RFC1: variants seen among roughly 807,000 people sequenced by gnomAD.
The protein encoded by RFC1 is A1 140 kDa subunit.
Under a neutral mutation model 137.4 loss-of-function variants are expected in RFC1, and 37 were observed. The ratio of observed to expected loss-of-function variants is 0.27; its 90% confidence interval spans 0.21 to 0.35. The LOEUF (loss-of-function observed/expected upper bound fraction) is 0.35. Among genes scored for constraint, RFC1 ranks in the 10% least tolerant of loss-of-function variants. RFC1 has a pLI of 1.00. For missense variants in RFC1, 1,205 were observed against 1,358.5 expected, an observed-to-expected ratio of 0.89 and a Z score of 1.78; for synonymous variants, 429 against 455.7, an observed-to-expected ratio of 0.94 and a Z score of 0.75.
chr4:39,353,444 C>A (rs75442720), intron 1 of RFC1, among the ~76,000 whole-genome samples: 1,541 of 146,208 alleles, frequency 0.011, 21 homozygotes, highest in African/African-American at 0.036. Flanking sequence ...TTAAAGACTT[C>A]TCTGGCTTTA....
chr4:39,355,476 T>A (rs1190287238), intron 1 of RFC1, among the ~76,000 whole-genome samples: 1 of 151,682 alleles, frequency 6.6e-6, no homozygotes, highest in Non-Finnish European at 1.5e-5. Context: ...TTCCTACAAA[T>A]CAATAAAAGA....
intron 21 of RFC1, among the ~76,000 whole-genome samples, chr4:39,297,969 C>T (rs142839216): frequency 6.6e-6 from 1 of 152,128 alleles, no homozygotes; most frequent in Non-Finnish European, 1.5e-5. Flanking sequence ...AAACATTATG[C>T]CTTTAAGCTA....
At chr4:39,328,776 G>C (rs1441097347) in intron 4 of RFC1, among the ~76,000 whole-genome samples, 1 of 152,072 alleles carries the variant, frequency 6.6e-6, no homozygotes, top group Non-Finnish European at 1.5e-5. Context: ...CCAACTTAAG[G>C]CCTGTCATTT....
At chr4:39,302,017 A>C (rs796502645) in intron 19 of RFC1, among the ~76,000 whole-genome samples, 2 of 152,200 alleles carry the variant, frequency 1.3e-5, no homozygotes, top group African/African-American at 4.8e-5. Flanking sequence ...AACTCTGGAA[A>C]AGCCATTTTA....
At chr4:39,318,750 AAAGT>A (rs1739373261) in intron 9 of RFC1, among the ~76,000 whole-genome samples, 2 of 152,218 alleles carry the variant, frequency 1.3e-5, no homozygotes, top group African/African-American at 4.8e-5. Flanking sequence ...CTGAGATCAA[AAAGT>A]TAATTGCTCC....
chr4:39,295,858 C>T (rs1431867868), intron 21 of RFC1, 99 bp from the exon 22 acceptor site: 2 of 1,128,172 alleles, frequency 1.8e-6, no homozygotes, highest in Non-Finnish European at 2.5e-6. Flanking sequence ...GATAAAGCAA[C>T]ACTGTACCAA....
chr4:39,289,207 T>C (rs1737533404), intron 24 of RFC1, among the ~76,000 whole-genome samples: 1 of 152,110 alleles, frequency 6.6e-6, no homozygotes, highest in Non-Finnish European at 1.5e-5. Flanking sequence ...TCTTTCAGTT[T>C]CAGATTAGAG....
At chr4:39,292,426 T>C (rs1299526493) in intron 22 of RFC1, among the ~76,000 whole-genome samples, 1 of 152,132 alleles carries the variant, frequency 6.6e-6, no homozygotes, top group African/African-American at 2.4e-5. Context: ...AGAGGAAGGT[T>C]TAGGGAAACA....
intron 1 of RFC1, among the ~76,000 whole-genome samples, chr4:39,361,251 T>C (rs1741739598): frequency 6.6e-6 from 1 of 152,060 alleles, no homozygotes; most frequent in Non-Finnish European, 1.5e-5. Flanking sequence ...TAGTCAGGTG[T>C]GGTGGCACAT....
intron 1 of RFC1, chr4:39,365,549 G>A: frequency 1.0e-6 from 1 of 953,438 alleles, no homozygotes; most frequent in Non-Finnish European, 1.2e-6. Flanking sequence ...AGTGAGGCTT[G>A]GGTTTTTTTC....
At chr4:39,338,607 T>C (rs1740467486) in intron 4 of RFC1, among the ~76,000 whole-genome samples, 1 of 152,236 alleles carries the variant, frequency 6.6e-6, no homozygotes, top group Non-Finnish European at 1.5e-5. Flanking sequence ...CTTTTTTGTG[T>C]AGGAAGTCTT....
At chr4:39,313,679 G>A (rs1339552780) in intron 10 of RFC1, among the ~76,000 whole-genome samples, 2 of 150,242 alleles carry the variant, frequency 1.3e-5, no homozygotes, top group Non-Finnish European at 3.0e-5. Context: ...AATTTTTACT[G>A]TTTTATGGGA....
intron 19 of RFC1, among the ~76,000 whole-genome samples, chr4:39,301,161 G>A (rs960829611): frequency 1.3e-5 from 2 of 151,676 alleles, no homozygotes; most frequent in African/African-American, 4.8e-5. Flanking sequence ...CCATTACTAC[G>A]TGAAAAAAGC....
Position 39,309,272 on chromosome 4 carries a change from A to G in RFC1, c.1489-240T>C, listed in dbSNP as rs369741015. 1.0e-3 allele frequency among the ~76,000 whole-genome samples: 155 copies of G among 152,362 alleles called. 1 individual carries two copies. The highest frequency in any genetic ancestry group is 3.6e-3 in the African/African-American group (149 of 41,590). On this transcript the variant is annotated intron_variant, in intron 12 of 24. Coordinates refer to ENST00000349703, the MANE Select transcript of RFC1 (RefSeq NM_002913.5). ...TAAAAGTGACAACACGTTGATTTTT[A>G]AAAGTAATAAGTACTCCAATTTTAG...
intron 5 of RFC1, 24 bp downstream of exon 5, chr4:39,327,500 C>G: frequency 6.7e-7 from 1 of 1,496,272 alleles, no homozygotes; most frequent in Non-Finnish European, 9.2e-7. Context: ...CCTGAGCATA[C>G]TTGCTTATAT....
chr4:39,358,214 G>A (rs1377318567), intron 1 of RFC1, among the ~76,000 whole-genome samples: 1 of 152,096 alleles, frequency 6.6e-6, no homozygotes, highest in Non-Finnish European at 1.5e-5. Flanking sequence ...GGCAGAGGTT[G>A]CAGTGAGCTG....
chr4:39,360,095 A>T (rs1741675956), intron 1 of RFC1, among the ~76,000 whole-genome samples: 1 of 152,208 alleles, frequency 6.6e-6, no homozygotes, highest in Non-Finnish European at 1.5e-5. Flanking sequence ...GGCCGGGTGC[A>T]GTGGCTGACA....
intron 4 of RFC1, among the ~76,000 whole-genome samples, chr4:39,328,635 A>C (rs1739907598): frequency 6.6e-6 from 1 of 152,154 alleles, no homozygotes; most frequent in Admixed American, 6.5e-5. Context: ...CACAATGCGG[A>C]GGCGTGCCAG....
intron 1 of RFC1, among the ~76,000 whole-genome samples, chr4:39,354,551 C>G (rs1477208687): frequency 6.6e-6 from 1 of 152,058 alleles, no homozygotes; most frequent in Non-Finnish European, 1.5e-5. Flanking sequence ...CAAAGCAGAA[C>G]ATCAAGGCCA....
Sources: gnomAD v4.1 joint callset for allele counts (sites outside exome capture counted in the v4.1 genomes callset) on GRCh38, gnomAD v4.1.1 for gene constraint, MANE v1.5 for transcripts, NCBI Gene and HGNC (gene_info 2026-07-23, HGNC 2026-07-21) for gene names.